Variants in CHRNB4 observed in about 807,000 individuals in gnomAD.
The protein encoded by CHRNB4 is neuronal acetylcholine receptor subunit beta-4.
A neutral mutation model predicts 40.4 loss-of-function variants in CHRNB4; 23 were observed. The ratio of observed to expected loss-of-function variants is 0.57; its 90% CI spans 0.41 to 0.81. CHRNB4 has a LOEUF of 0.81. CHRNB4 is among the 30% of genes least tolerant of loss of function. The probability of loss-of-function intolerance (pLI) is 0.00; values close to 1 mark genes in which losing one functional copy is unlikely to be tolerated. For missense variants in CHRNB4, 568 were observed against 670.6 expected (o/e 0.85, Z 1.69); for synonymous variants, 285 against 274.4 (o/e 1.04, Z -0.38).
At position 78,625,155 on chromosome 15, in the gene CHRNB4, G is replaced by C. The variant is rs575876425; in HGVS notation, c.1475C>G (p.Pro492Arg). 1.9e-6 allele frequency: 3 copies of C among 1,613,986 alleles called. No individual in the cohort carries two copies. The Admixed American group carries it at 5.0e-5, about 27-fold the overall frequency. ...LFQTHAASEG[P>R]YAAQRD Reference sequence around the variant, plus strand: ...CCCTCAGTCACGCTGGGCAGCGTAGGGCCCCTCAGAAGCTGCATGGGTCTG... The same window carrying C: ...CCCTCAGTCACGCTGGGCAGCGTAGCGCCCCTCAGAAGCTGCATGGGTCTG... Residue 492 changes from proline to arginine, a missense_variant, in exon 6 of 6, where the codon CCC (proline) becomes CGC (arginine). Physicochemically the swap from Pro to Arg is moderately radical, Grantham distance 103. Around this residue, in one of 4 missense-constraint regions of CHRNB4, gnomAD observed 242 missense variants for 274.9 expected, o/e 0.88. Coordinates refer to ENST00000261751, the MANE Select transcript of CHRNB4 (RefSeq NM_000750.5).
chr15:78,645,518 A>G (rs1444172675), upstream of CHRNB4, among the ~76,000 whole-genome samples: 2 of 152,270 alleles, frequency 1.3e-5, no homozygotes, highest in East Asian at 3.9e-4. Flanking sequence ...GAGTTGGTGG[A>G]TAAATACCAC....
chr15:78,636,567 T>G (rs2053954673), intron 1 of CHRNB4, among the ~76,000 whole-genome samples: 1 of 151,870 alleles, frequency 6.6e-6, no homozygotes, highest in Non-Finnish European at 1.5e-5. Context: ...GCCTACTGTT[T>G]GCCTTTCCCC....
chr15:78,641,496 T>A (rs531754115), upstream of CHRNB4, among the ~76,000 whole-genome samples: 33 of 152,318 alleles, frequency 2.2e-4, no homozygotes, highest in South Asian at 2.5e-3. Flanking sequence ...CCCTCTACTG[T>A]TGGGGAAAGA....
In CHRNB4 at chr15:78,624,881, G is replaced by A. The variant is rs890264731; in HGVS notation, c.*252C>T. ...CTTTATCCCCATTGCCCGGTGCAGGGAAGGAAGACAGGCCAGAATTGAACT... is the reference window on the plus strand; with the variant it reads ...CTTTATCCCCATTGCCCGGTGCAGGAAAGGAAGACAGGCCAGAATTGAACT... On this transcript the variant is annotated 3_prime_UTR_variant, in exon 6 of 6. Transcript: ENST00000261751. The A allele has an allele frequency of 1.5e-6, 2 of 1,320,308 alleles. No individual in the cohort carries two copies. The highest frequency in any genetic ancestry group is 2.8e-5 in the Admixed American group (1 of 35,980). The allele number at this position is 1,320,308 out of a possible 1,614,324, so 81.8% of individuals were successfully genotyped here. A position where few individuals can be genotyped will look rare whatever the true frequency, so the allele number is the denominator to read the frequency against.
At chr15:78,649,958 A>G (rs1401885520) in intron 6 of CHRNB4, among the ~76,000 whole-genome samples, 5 of 152,220 alleles carry the variant, frequency 3.3e-5, no homozygotes, top group Non-Finnish European at 7.3e-5. Context: ...GGTGTTTGTT[A>G]TGTGGGTTCC....
chr15:78,646,061 A>G (rs542597140), upstream of CHRNB4, among the ~76,000 whole-genome samples: 6 of 151,946 alleles, frequency 3.9e-5, no homozygotes, highest in African/African-American at 7.2e-5. Context: ...CCGTCTCAAA[A>G]AAAAAAAAAA....
chr15:78,631,996 G>A (rs1479283023), intron 2 of CHRNB4, among the ~76,000 whole-genome samples: 8 of 151,942 alleles, frequency 5.3e-5, no homozygotes, highest in African/African-American at 1.9e-4. Context: ...CTTTGCTCCT[G>A]CACACACTGT....
At chr15:78,638,045 C>A (rs1419155893) in intron 1 of CHRNB4, among the ~76,000 whole-genome samples, 1 of 152,220 alleles carries the variant, frequency 6.6e-6, no homozygotes, top group African/African-American at 2.4e-5. Context: ...GTGTCTTGCC[C>A]AAGCCCATCT....
chr15:78,631,401 G>A, intron 2 of CHRNB4, 69 bp from the exon 3 acceptor site: 1 of 1,522,054 alleles, frequency 6.6e-7, no homozygotes, highest in South Asian at 1.2e-5. Flanking sequence ...GCACTTTATT[G>A]TGCAAAAGGC....
At chr15:78,649,422 C>A (rs977861896) in exon 7 of CHRNB4, 4 of 454,872 alleles carry the variant, frequency 8.8e-6, no homozygotes, top group Middle Eastern at 3.2e-4. Context: ...AACTACCGCC[C>A]ATCTGCCAAA....
chr15:78,650,493 T>C (rs915118387), intron 6 of CHRNB4, among the ~76,000 whole-genome samples: 1 of 152,196 alleles, frequency 6.6e-6, no homozygotes, highest in Non-Finnish European at 1.5e-5. Flanking sequence ...AAGCAGAAGT[T>C]GGTCTTCACA....
chr15:78,637,989 T>G (rs2053989905), intron 1 of CHRNB4, among the ~76,000 whole-genome samples: 2 of 152,212 alleles, frequency 1.3e-5, no homozygotes, highest in African/African-American at 4.8e-5. Flanking sequence ...CCCACAGCCC[T>G]TCTTTAGCAT....
At chr15:78,650,095 G>T (rs1285065393) in intron 6 of CHRNB4, among the ~76,000 whole-genome samples, 2 of 152,176 alleles carry the variant, frequency 1.3e-5, no homozygotes, top group Non-Finnish European at 2.9e-5. Context: ...CTGTGCACCC[G>T]GTCCCTTGTC....
Position 78,629,336 on chromosome 15 carries a change from C to A in CHRNB4, c.969G>T (p.Ser323=). 2 of 1,613,978 alleles carry A rather than the reference C, an allele frequency of 1.2e-6. No individual in the cohort carries two copies. The highest frequency in any genetic ancestry group is 1.7e-6 in the Non-Finnish European group (2 of 1,180,010). Residue 323 remains serine (S), a synonymous_variant, in exon 5 of 6, where the codon TCG becomes TCT. Coordinates refer to ENST00000261751, the MANE Select transcript of CHRNB4 (RefSeq NM_000750.5). This position sits in a 1 kb window ranked among gnomAD's most constrained non-coding sequence, Gnocchi z 6.8. The stretch of plus-strand genomic sequence containing the variant: ...AGGGTGCCATGGTGTGGGTGCTGGG[C>A]GAGCGGTGGTGCACATTGAGCACAC... ...SVCVLNVHHR[S]PSTHTMAPWV... is the part of the protein sequence containing the mutation.
intron 1 of CHRNB4, among the ~76,000 whole-genome samples, chr15:78,637,582 C>G (rs530474909): frequency 2.1e-4 from 32 of 152,138 alleles, no homozygotes; most frequent in Non-Finnish European, 4.3e-4. Context: ...GCCAGTTCAC[C>G]TAGTTGCACC....
chr15:78,638,769 TGTG>T (rs2054009923), intron 1 of CHRNB4, among the ~76,000 whole-genome samples: 1 of 152,232 alleles, frequency 6.6e-6, no homozygotes, highest in Admixed American at 6.5e-5. Flanking sequence ...ACTGAATGTC[TGTG>T]AGGCCTGCTG....
chr15:78,631,880 C>T (rs2053820094), intron 2 of CHRNB4, among the ~76,000 whole-genome samples: 1 of 152,166 alleles, frequency 6.6e-6, no homozygotes, highest in African/African-American at 2.4e-5. Context: ...TTAGAGTCCA[C>T]AAGGCCCTAG....
At chr15:78,644,742 T>C (rs1259142182), upstream of CHRNB4, among the ~76,000 whole-genome samples, 1 of 152,228 alleles carries the variant, frequency 6.6e-6, no homozygotes, top group East Asian at 1.9e-4. Context: ...AATTAATCTA[T>C]AAATTCAAGC....
intron 1 of CHRNB4, among the ~76,000 whole-genome samples, chr15:78,637,813 TGCTGCCC>T (rs1049005949): frequency 2.0e-5 from 3 of 152,186 alleles, no homozygotes; most frequent in African/African-American, 7.2e-5. Context: ...ACCTGCTGCC[TGCTGCCC>T]CTCCCCCAGG....
Sources: gnomAD v4.1 joint callset for allele counts (sites outside exome capture counted in the v4.1 genomes callset) on GRCh38, gnomAD v4.1.1 for gene constraint, gnomAD v4.1.1 regional missense constraint, Gnocchi (gnomAD v3.1) non-coding constraint, MANE v1.5 for transcripts, NCBI Gene and HGNC (gene_info 2026-07-23, HGNC 2026-07-21) for gene names.